Variants in DDX31 observed in about 807,000 individuals in gnomAD.
The protein encoded by DDX31 is ATP-dependent DNA helicase DDX31.
A neutral mutation model predicts 91.3 loss-of-function variants in DDX31; 70 were observed. The observed-to-expected ratio is 0.77, with a 90% CI of 0.63 to 0.94. The LOEUF is 0.94. Among genes scored for constraint, DDX31 ranks in the 40% least tolerant of loss-of-function variants. DDX31 has a pLI of 0.00. For missense variants in DDX31, 902 were observed against 925.0 expected (o/e 0.98, Z 0.32); for synonymous variants, 362 against 350.6 (o/e 1.03, Z -0.36).
At chr9:132,654,799 A>G (rs1221148875) in intron 6 of DDX31, among the ~76,000 whole-genome samples, 1 of 151,882 alleles carries the variant, frequency 6.6e-6, no homozygotes, top group Non-Finnish European at 1.5e-5. Context: ...TACAAAAATT[A>G]GGCGGGCGTG....
chr9:132,634,410 A>G (rs545015673), intron 14 of DDX31, among the ~76,000 whole-genome samples: 1 of 152,220 alleles, frequency 6.6e-6, no homozygotes, highest in South Asian at 2.1e-4. Flanking sequence ...ACCATCTGAA[A>G]GTAGGTTGCA....
chr9:132,640,223 G>A (rs150072483), intron 14 of DDX31, among the ~76,000 whole-genome samples: 1 of 152,170 alleles, frequency 6.6e-6, no homozygotes. Flanking sequence ...AGAATGGGGG[G>A]GCTTCTGAGT....
At chr9:132,598,382 T>C (rs1589953059) in intron 19 of DDX31, among the ~76,000 whole-genome samples, 1 of 152,154 alleles carries the variant, frequency 6.6e-6, no homozygotes. Flanking sequence ...CCCTCTCCAA[T>C]GGCCTTCCTG....
intron 18 of DDX31, among the ~76,000 whole-genome samples, chr9:132,613,912 C>T (rs1831489819): frequency 6.6e-6 from 1 of 152,164 alleles, no homozygotes; most frequent in South Asian, 2.1e-4. Context: ...AGGAGGGGGA[C>T]ATCCTGCAAA....
chr9:132,636,007 A>T (rs1833091302), intron 14 of DDX31, among the ~76,000 whole-genome samples: 1 of 152,178 alleles, frequency 6.6e-6, no homozygotes. Context: ...CGTCGGAGGC[A>T]GGACTTGAGG....
intron 18 of DDX31, among the ~76,000 whole-genome samples, chr9:132,614,116 G>A (rs1246578410): frequency 6.6e-6 from 1 of 152,160 alleles, no homozygotes; most frequent in Non-Finnish European, 1.5e-5. Flanking sequence ...GCAGCACCTG[G>A]AGATTGGCGT....
At chr9:132,622,164 C>T (rs1314583725) in intron 17 of DDX31, among the ~76,000 whole-genome samples, 2 of 152,156 alleles carry the variant, frequency 1.3e-5, no homozygotes, top group East Asian at 1.9e-4. Flanking sequence ...TTAAATCTCA[C>T]AGCAATTGTA....
At chr9:132,645,791 G>A (rs781581472) in intron 13 of DDX31, 104 bp downstream of exon 13, 10 of 1,291,212 alleles carry the variant, frequency 7.7e-6, no homozygotes, top group African/African-American at 4.5e-5. Context: ...TGCAAGGGTC[G>A]TAGCCATTGC....
chr9:132,639,939 G>A (rs192213582), intron 14 of DDX31, among the ~76,000 whole-genome samples: 24 of 152,282 alleles, frequency 1.6e-4, no homozygotes, highest in African/African-American at 4.8e-4. Context: ...TATTCCCAGT[G>A]AGCAAGTCTA....
In DDX31 at chr9:132,593,372, G is replaced by A. The variant is rs1830290343; in HGVS notation, c.*1494C>T. ...CACACAGCTGGGTTTTGTCTATAAA[G>A]TTTGATCCCTCCTTTTCTCATCCAA... On this transcript the variant is annotated 3_prime_UTR_variant, in exon 20 of 20. Transcript: ENST00000372159. The A allele has an allele frequency of 6.6e-6, 1 of 152,188 alleles. No homozygotes were observed. The highest frequency in any genetic ancestry group is 1.5e-5 in the Non-Finnish European group (1 of 68,024). 9.4% of individuals were successfully genotyped at this position (152,188 alleles called of 1,614,324 possible).
At position 132,593,320 on chromosome 9, in the gene DDX31, C is replaced by T. The variant is rs1830287473; in HGVS notation, c.*1546G>A. 1 of 152,144 alleles carries T rather than the reference C, an allele frequency of 6.6e-6. No homozygotes were observed. Among genetic ancestry groups the T allele is most frequent in the African/African-American group, 2.4e-5 (1 of 41,408 alleles). The allele number at this position is 152,144 out of a possible 1,614,324, so 9.4% of individuals were successfully genotyped here. On this transcript the variant is annotated 3_prime_UTR_variant, in exon 20 of 20. Coordinates refer to ENST00000372159, the MANE Select transcript of DDX31 (RefSeq NM_022779.9). ...AAGTAAGGTTTCTCTTTGATCATCCCCAATCACTGGCATTAATCCTGTTTT... is the reference window on the plus strand; with the variant it reads ...AAGTAAGGTTTCTCTTTGATCATCCTCAATCACTGGCATTAATCCTGTTTT...
intron 4 of DDX31, among the ~76,000 whole-genome samples, chr9:132,660,837 C>T (rs768362123): frequency 4.6e-5 from 7 of 152,226 alleles, no homozygotes; most frequent in Non-Finnish European, 1.0e-4. Flanking sequence ...CTCTATCCAA[C>T]TGAACATTTA....
At chr9:132,622,468 C>T (rs377601175) in intron 17 of DDX31, among the ~76,000 whole-genome samples, 4 of 152,192 alleles carry the variant, frequency 2.6e-5, no homozygotes, top group South Asian at 2.1e-4. Context: ...GCAGCTGCTC[C>T]GCTCCTTCTC....
At chr9:132,634,275 C>A (rs917325010) in intron 14 of DDX31, among the ~76,000 whole-genome samples, 1 of 152,162 alleles carries the variant, frequency 6.6e-6, no homozygotes, top group African/African-American at 2.4e-5. Flanking sequence ...CTAGTACAAT[C>A]TAGATGAAGG....
Position 132,606,493 on chromosome 9 carries a change from C to T in DDX31, c.1994+5594G>A, listed in dbSNP as rs150229110. Among the ~76,000 whole-genome samples the T allele has an allele frequency of 3.3e-4, 50 of 152,282 alleles. No homozygotes were observed. In the East Asian group the frequency reaches 9.3e-3, roughly 28 times the overall value. ...GTACTCTCGGTTCCGCGGGTACTCG[C>T]GACAATGATGGAGGCTGGGGGAAGA... On this transcript the variant is annotated intron_variant, in intron 19 of 19. Transcript: ENST00000372159.
chr9:132,660,310 G>T (rs11243868), intron 4 of DDX31, among the ~76,000 whole-genome samples: 483 of 150,580 alleles, frequency 3.2e-3, no homozygotes, highest in Middle Eastern at 0.014. Context: ...ACTCCAGCCT[G>T]GGCAACAAGA....
intron 4 of DDX31, among the ~76,000 whole-genome samples, chr9:132,660,879 C>T (rs528381509): frequency 6.6e-6 from 1 of 152,288 alleles, no homozygotes; most frequent in African/African-American, 2.4e-5. Context: ...CTAATTCTTA[C>T]TACTAAGAAA....
At position 132,630,285 on chromosome 9, in the gene DDX31, G is replaced by C. The variant is rs372385164; in HGVS notation, c.1610C>G (p.Ser537Trp). 3.8e-6 allele frequency: 6 copies of C among 1,580,548 alleles called. No individual in the cohort carries two copies. Among genetic ancestry groups the C allele is most frequent in the Non-Finnish European group, 5.2e-6 (6 of 1,153,454 alleles). The change falls in exon 16 of 20, where the codon TCG becomes TGG. Residue 537 changes from serine to tryptophan, a missense_variant. Physicochemically the swap from Ser to Trp is radical, Grantham distance 177. Coordinates refer to ENST00000372159, the MANE Select transcript of DDX31 (RefSeq NM_022779.9). ...LAPSEAEYVN[S>W]LASHKINVSE... Reference sequence around the variant, plus strand: ...TCACTTGATTTTGTGAGAAGCCAACGAGTTGACATATTCTGCCTCCGAAGG... The same window carrying C: ...TCACTTGATTTTGTGAGAAGCCAACCAGTTGACATATTCTGCCTCCGAAGG...
chr9:132,623,755 A>C (rs1169439504), intron 17 of DDX31, among the ~76,000 whole-genome samples: 2 of 151,940 alleles, frequency 1.3e-5, no homozygotes, highest in African/African-American at 4.8e-5. Flanking sequence ...CATGACCCTA[A>C]GGCCATGCTC....
Sources: gnomAD v4.1 joint callset for allele counts (sites outside exome capture counted in the v4.1 genomes callset) on GRCh38, gnomAD v4.1.1 for gene constraint, MANE v1.5 for transcripts, NCBI Gene and HGNC (gene_info 2026-07-23, HGNC 2026-07-21) for gene names.